The following TET1 variants were observed in gnomAD, a reference collection of about 807,000 sequenced individuals.
TET1 encodes the protein tet methylcytosine dioxygenase 1, also known as methylcytosine dioxygenase TET1.
TET1 carries 13 observed loss-of-function variants against 148.7 expected under a neutral mutation model. That is an observed-to-expected ratio of 0.09 (90% CI 0.06 to 0.14). TET1 has a LOEUF of 0.14. TET1 is among the 10% of genes least tolerant of loss of function. The pLI is 1.00. For synonymous variants in TET1, 907 were observed against 937.2 expected (o/e 0.97, Z 0.59); for missense variants, 2,182 against 2,553.8 (o/e 0.85, Z 3.14).
intron 8 of TET1, among the ~76,000 whole-genome samples, chr10:68,679,776 A>G (rs1009387710): frequency 1.1e-4 from 17 of 152,054 alleles, no homozygotes; most frequent in African/African-American, 3.9e-4. Context: ...CAGATTCAAT[A>G]GATTCTCCTG....
chr10:68,635,281 C>A (rs1224498417), intron 3 of TET1, among the ~76,000 whole-genome samples: 1 of 151,860 alleles, frequency 6.6e-6, no homozygotes, highest in Non-Finnish European at 1.5e-5. Flanking sequence ...TAAGTCAGTT[C>A]ATTTCAACAT....
At chr10:68,643,261 CAA>C (rs59820865) in intron 3 of TET1, among the ~76,000 whole-genome samples, 3 of 91,816 alleles carry the variant, frequency 3.3e-5, no homozygotes, top group African/African-American at 4.8e-5. Flanking sequence ...GACCCTGTCT[CAA>C]AAAAAAAAAA....
intron 2 of TET1, among the ~76,000 whole-genome samples, chr10:68,584,989 T>A (rs1424570898): frequency 2.6e-5 from 4 of 151,552 alleles, no homozygotes; most frequent in Non-Finnish European, 5.9e-5. Flanking sequence ...CCCAGCTAAT[T>A]TTTTTGTGTT....
At chr10:68,577,715 A>G (rs2053748979) in intron 2 of TET1, among the ~76,000 whole-genome samples, 1 of 152,178 alleles carries the variant, frequency 6.6e-6, no homozygotes, top group Non-Finnish European at 1.5e-5. Context: ...AGGCTAAGGC[A>G]GGAGAATCGC....
chr10:68,580,918 T>G (rs1002549336), intron 2 of TET1, among the ~76,000 whole-genome samples: 12 of 151,786 alleles, frequency 7.9e-5, no homozygotes, highest in African/African-American at 2.4e-4. Flanking sequence ...TGCAGTGAGC[T>G]GTGATCTCTC....
intron 6 of TET1, among the ~76,000 whole-genome samples, chr10:68,653,126 G>T (rs10733846): frequency 0.72 from 109,447 of 151,356 alleles, 41,062 homozygotes; most frequent in East Asian, 0.84. Context: ...CCACTTGTAG[G>T]TTATAAATCT....
At chr10:68,601,117 C>A in intron 3 of TET1, 83 bp downstream of exon 3, 1 of 1,214,894 alleles carries the variant, frequency 8.2e-7, no homozygotes, top group Non-Finnish European at 1.2e-6. Context: ...ATTTGGAGTA[C>A]AGTATATGTG....
chr10:68,659,547 G>A (rs894267171), intron 6 of TET1, among the ~76,000 whole-genome samples: 2 of 152,108 alleles, frequency 1.3e-5, no homozygotes, highest in African/African-American at 2.4e-5. Flanking sequence ...TCGAACTCCT[G>A]ACCTTAAGTG....
intron 3 of TET1, among the ~76,000 whole-genome samples, chr10:68,629,651 G>A (rs1232851196): frequency 2.7e-5 from 4 of 150,790 alleles, no homozygotes; most frequent in African/African-American, 4.9e-5. Flanking sequence ...CTTCTGCCTC[G>A]GCCTCCCCTC....
chr10:68,690,250 C>T (rs975798237), intron 11 of TET1, among the ~76,000 whole-genome samples: 11 of 152,132 alleles, frequency 7.2e-5, no homozygotes, highest in African/African-American at 2.2e-4. Flanking sequence ...AAACAATGAA[C>T]AGCCATCCTT....
At chr10:68,653,489 C>A (rs1437399300) in intron 6 of TET1, among the ~76,000 whole-genome samples, 1 of 152,126 alleles carries the variant, frequency 6.6e-6, no homozygotes, top group East Asian at 1.9e-4. Flanking sequence ...CGTTTCATTA[C>A]AAGAATAAAA....
intron 1 of TET1, among the ~76,000 whole-genome samples, chr10:68,569,878 TTCA>T (rs10522077): frequency 0.047 from 7,092 of 151,264 alleles, 209 homozygotes; most frequent in South Asian, 0.082. Flanking sequence ...TTTGAGGAAC[TTCA>T]TCAACTTAAA....
At chr10:68,598,081 C>T (rs963880104) in intron 2 of TET1, among the ~76,000 whole-genome samples, 3 of 152,054 alleles carry the variant, frequency 2.0e-5, no homozygotes, top group Non-Finnish European at 4.4e-5. Context: ...TGTCACTGAA[C>T]GATACACTTA....
rs2055531844 is a variant in TET1, at chr10:68,687,544, T to G, written c.5404+837T>G. On this transcript the variant is annotated intron_variant, in intron 11 of 11. Transcript: ENST00000373644. ...TAAACACCACTTTCAACAGTGGTAT[T>G]GTGGGTTGTCGTTGTTGTTTTTGTT... 2.0e-5 allele frequency among the ~76,000 whole-genome samples: 3 copies of G among 152,182 alleles called. No homozygotes were observed. In the South Asian group the frequency reaches 6.2e-4, roughly 32 times the overall value.
At chr10:68,595,491 G>A (rs1187827057) in intron 2 of TET1, among the ~76,000 whole-genome samples, 1 of 151,744 alleles carries the variant, frequency 6.6e-6, no homozygotes, top group Non-Finnish European at 1.5e-5. Context: ...TTTAATCTAG[G>A]TAGTTTGTAC....
chr10:68,572,674 C>T lies in TET1; in HGVS notation c.336C>T (p.Ser112=), dbSNP rs2133685787. 1 of 1,614,152 alleles carries T rather than the reference C, an allele frequency of 6.2e-7. No individual in the cohort carries two copies. The highest frequency in any genetic ancestry group is 8.5e-7 in the Non-Finnish European group (1 of 1,180,036). Residue 112 remains serine (S), a synonymous_variant, in exon 2 of 12, where the codon AGC becomes AGT. Coordinates refer to ENST00000373644, the MANE Select transcript of TET1 (RefSeq NM_030625.3). ...FTMALRSTSL[S]RRLSQPPLVV... is the part of the protein sequence containing the mutation. ...TGGCGCTACGAAGCACCTCTCTTAG[C>T]AGGCGACTCTCCCAACCCCCACTGG... is the stretch of plus-strand genomic sequence containing the variant.
chr10:68,586,019 A>AT (rs2053857070), intron 2 of TET1, among the ~76,000 whole-genome samples: 1 of 150,896 alleles, frequency 6.6e-6, no homozygotes, highest in Non-Finnish European at 1.5e-5. Context: ...AAAAAAAAAA[A>AT]ATTTTTTTTT....
chr10:68,601,717 A>G (rs1478749549), intron 3 of TET1, among the ~76,000 whole-genome samples: 1 of 152,218 alleles, frequency 6.6e-6, no homozygotes, highest in East Asian at 1.9e-4. Flanking sequence ...GGCATCACTA[A>G]AAGTTCAAGG....
intron 8 of TET1, 56 bp from the exon 9 acceptor site, chr10:68,681,343 C>A: frequency 8.8e-7 from 1 of 1,139,372 alleles, no homozygotes; most frequent in Non-Finnish European, 1.3e-6. Flanking sequence ...TCAGTTGTAC[C>A]TTAAACACAT....
Sources: gnomAD v4.1 joint callset for allele counts (sites outside exome capture counted in the v4.1 genomes callset) on GRCh38, gnomAD v4.1.1 for gene constraint, MANE v1.5 for transcripts, NCBI Gene and HGNC (gene_info 2026-07-23, HGNC 2026-07-21) for gene names.